NIT2: variants seen among roughly 807,000 people sequenced by gnomAD.
NIT2 encodes the protein omega-amidase NIT2.
A neutral mutation model predicts 42.7 loss-of-function variants in NIT2; 46 were observed. The ratio of observed to expected loss-of-function variants is 1.08; its 90% CI spans 0.85 to 1.38. The LOEUF is 1.38. Ranked by LOEUF, NIT2 falls within the 40% of genes most tolerant of loss-of-function variation. The pLI, the probability that NIT2 is intolerant of heterozygous loss-of-function variation, is 0.00. For synonymous variants in NIT2, 123 were observed against 121.9 expected, an observed-to-expected ratio of 1.01 and a Z score of -0.06; for missense variants, 309 against 342.5, an observed-to-expected ratio of 0.90 and a Z score of 0.77.
At position 100,353,233 on chromosome 3, in the gene NIT2, C is replaced by T. The variant is rs545826627; in HGVS notation, c.683+731C>T. 1.2e-4 allele frequency among the ~76,000 whole-genome samples: 19 copies of T among 152,332 alleles called. No individual in the cohort carries two copies. In the South Asian group the frequency reaches 3.7e-3, roughly 30 times the overall value. ...GAATCCAGGATATTTGCCTTCAGAACTTGGATGTATTCCACACTAGTTCTC... is the reference window on the plus strand; with the variant it reads ...GAATCCAGGATATTTGCCTTCAGAATTTGGATGTATTCCACACTAGTTCTC... On this transcript the variant is annotated intron_variant, in intron 8 of 9. Coordinates refer to ENST00000394140, the MANE Select transcript of NIT2 (RefSeq NM_020202.5).
rs779856640 is a variant in NIT2, at chr3:100,341,552, T to C, written c.336+391T>C. ...CCCAGCTAATTTTTTGTATTTTTAG[T>C]AGAGACTTGGTTTCACCGTGTTAGC... On this transcript the variant is annotated intron_variant, in intron 4 of 9. Transcript: ENST00000394140. Among the ~76,000 whole-genome samples the C allele has an allele frequency of 2.2e-4, 34 of 152,118 alleles. 1 individual carries two copies. Among genetic ancestry groups the C allele is most frequent in the Non-Finnish European group, 4.3e-4 (29 of 67,998 alleles).
chr3:100,343,125 T>TC (rs1343055168), intron 4 of NIT2, among the ~76,000 whole-genome samples: 1 of 151,954 alleles, frequency 6.6e-6, no homozygotes, highest in African/African-American at 2.4e-5. Context: ...TGTTGTTTTT[T>TC]CTCTCCTTCT....
At chr3:100,352,556 G>A (rs1299298426) in intron 8 of NIT2, 54 bp downstream of exon 8, 3 of 1,405,232 alleles carry the variant, frequency 2.1e-6, no homozygotes, top group South Asian at 2.3e-5. Context: ...TTGAGTGGTG[G>A]CTCGTTGGCA....
chr3:100,346,861 T>A (rs937432904), intron 6 of NIT2, among the ~76,000 whole-genome samples: 1 of 152,068 alleles, frequency 6.6e-6, no homozygotes, highest in African/African-American at 2.4e-5. Flanking sequence ...TGAAGCTACT[T>A]CCAAATAGAC....
intron 7 of NIT2, chr3:100,349,402 A>T (rs1297696156): frequency 6.6e-6 from 1 of 152,580 alleles, no homozygotes; most frequent in Non-Finnish European, 1.5e-5. Flanking sequence ...TGTGAGCCCC[A>T]AGCCCTGCCG....
chr3:100,361,049 A>G lies in NIT2; in HGVS notation c.*5781A>G, dbSNP rs1453964193. On this transcript the variant is annotated 3_prime_UTR_variant, in exon 10 of 10. Coordinates refer to ENST00000394140, the MANE Select transcript of NIT2 (RefSeq NM_020202.5). Reference sequence around the variant, plus strand: ...ACTCATGTTGCTTGCTATGTTCTAAATAATTAAGTCTGTTGTCTGACCCAG... The same window carrying G: ...ACTCATGTTGCTTGCTATGTTCTAAGTAATTAAGTCTGTTGTCTGACCCAG... 4.6e-5 allele frequency: 7 copies of G among 152,898 alleles called. No homozygotes were observed. Among genetic ancestry groups the G allele is most frequent in the Non-Finnish European group, 4.4e-5 (3 of 68,044 alleles). 9.5% of individuals were successfully genotyped at this position (152,898 alleles called of 1,614,324 possible).
chr3:100,340,829 T>G (rs1334118726), intron 3 of NIT2, among the ~76,000 whole-genome samples: 1 of 152,118 alleles, frequency 6.6e-6, no homozygotes, highest in Non-Finnish European at 1.5e-5. Flanking sequence ...CACTCTGGAG[T>G]TTATCTCTGA....
chr3:100,347,203 C>A (rs1361425362), intron 6 of NIT2, among the ~76,000 whole-genome samples: 3 of 151,964 alleles, frequency 2.0e-5, no homozygotes, highest in Admixed American at 6.6e-5. Flanking sequence ...TCAAGTGATT[C>A]TCCTGTCTCA....
In NIT2 at chr3:100,339,048, G is replaced by A. The variant is rs150636926; in HGVS notation, c.8-39G>A. 7.1e-4 allele frequency: 993 copies of A among 1,398,650 alleles called. 16 individuals are homozygous for A. The East Asian group carries it at 0.019, about 26-fold the overall frequency. The allele number at this position is 1,398,650 out of a possible 1,614,324, so 86.6% of individuals were successfully genotyped here. A position where few individuals can be genotyped will look rare whatever the true frequency, so the allele number is the denominator to read the frequency against. ...TGGCTCTGTCTGAATCCAGCAGTTCGATCTTCTGATAGCTGTTTTCTTTTG... is the reference window on the plus strand; with the variant it reads ...TGGCTCTGTCTGAATCCAGCAGTTCAATCTTCTGATAGCTGTTTTCTTTTG... On this transcript the variant is annotated intron_variant, in intron 1 of 9. Coordinates refer to ENST00000394140, the MANE Select transcript of NIT2 (RefSeq NM_020202.5).
chr3:100,336,940 C>T (rs1426011914), intron 1 of NIT2, among the ~76,000 whole-genome samples: 1 of 152,242 alleles, frequency 6.6e-6, no homozygotes. Context: ...CAGACTATCA[C>T]ATGGGGAGAA....
rs939091728 is a variant in NIT2 at position 100,358,093 on chromosome 3, G to A, written c.*2825G>A. The A allele has an allele frequency of 1.3e-5, 2 of 152,058 alleles. No homozygotes were observed. The highest frequency in any genetic ancestry group is 6.6e-5 in the Admixed American group (1 of 15,256). 9.4% of individuals were successfully genotyped at this position (152,058 alleles called of 1,614,324 possible). The stretch of plus-strand genomic sequence containing the variant: ...GGCACCCAGCCTTTTGTTTGTTTTT[G>A]TTTTTATGTATTTCATTAAATGAAT... On this transcript the variant is annotated 3_prime_UTR_variant, in exon 10 of 10. Transcript: ENST00000394140.
rs751492664 is a variant in NIT2 at position 100,339,177 on chromosome 3, C to T, written c.98C>T (p.Thr33Met). 2.9e-5 allele frequency: 46 copies of T among 1,613,196 alleles called. No homozygotes were observed. Among genetic ancestry groups the T allele is most frequent in the Non-Finnish European group, 3.8e-5 (45 of 1,179,312 alleles). The stretch of plus-strand genomic sequence containing the variant: ...TGTAGCTTCATCCGGGAGGCAGCAA[C>T]GCAAGGAGCCAAAATAGTTTCTTTG... ...RACSFIREAA[T>M]QGAKIVSLPE... Residue 33 changes from threonine (T) to methionine (M), a missense_variant, in exon 2 of 10, where the codon ACG becomes ATG. Coordinates refer to ENST00000394140, the MANE Select transcript of NIT2 (RefSeq NM_020202.5).
chr3:100,345,246 A>T (rs1706202869), intron 4 of NIT2, among the ~76,000 whole-genome samples: 1 of 152,218 alleles, frequency 6.6e-6, no homozygotes, highest in South Asian at 2.1e-4. Context: ...GGCATGAGCC[A>T]CCGTGTCCGG....
intron 4 of NIT2, among the ~76,000 whole-genome samples, chr3:100,343,358 G>C (rs1420688354): frequency 6.6e-6 from 1 of 151,704 alleles, no homozygotes; most frequent in African/African-American, 2.4e-5. Flanking sequence ...ATTTTTCCAA[G>C]GTCACCAGGC....
chr3:100,355,362 A>T lies in NIT2; in HGVS notation c.*94A>T. 1.1e-6 allele frequency: 1 copy of T among 933,744 alleles called. No homozygotes were observed. Among genetic ancestry groups the T allele is most frequent in the Non-Finnish European group, 1.6e-6 (1 of 612,252 alleles). 57.8% of individuals were successfully genotyped at this position (933,744 alleles called of 1,614,324 possible). On this transcript the variant is annotated 3_prime_UTR_variant, in exon 10 of 10. Transcript: ENST00000394140. ...ATTCTTTAATGAAGATTTTTTTTTT[A>T]ATTCGGCCTTGTCCTTCCTAGGTTC...
chr3:100,350,095 T>C (rs1706258771), intron 7 of NIT2: 1 of 152,220 alleles, frequency 6.6e-6, no homozygotes, highest in Admixed American at 6.5e-5. Context: ...TTTTTGCCCC[T>C]TTCTAGTTAG....
Position 100,345,649 on chromosome 3 carries a change from C to T in NIT2, c.401C>T (p.Pro134Leu), listed in dbSNP as rs756067624. The change falls in exon 5 of 10, where the codon CCG becomes CTG. Residue 134 changes from proline to leucine, a missense_variant. Coordinates refer to ENST00000394140, the MANE Select transcript of NIT2 (RefSeq NM_020202.5). ...TTTCAAGAATCTAAAACATTGAGTCCGGGTGATAGTTTCTCCACATTTGAT... is the reference window on the plus strand; with the variant it reads ...TTTCAAGAATCTAAAACATTGAGTCTGGGTGATAGTTTCTCCACATTTGAT... ...ITFQESKTLS[P>L]GDSFSTFDTP... The T allele has an allele frequency of 3.7e-5, 59 of 1,612,382 alleles. No individual in the cohort carries two copies. The highest frequency in any genetic ancestry group is 4.7e-5 in the Non-Finnish European group (55 of 1,178,812).
intron 6 of NIT2, among the ~76,000 whole-genome samples, chr3:100,346,657 G>A (rs926576926): frequency 1.3e-5 from 2 of 152,180 alleles, no homozygotes; most frequent in Admixed American, 6.5e-5. Context: ...TCTGGGAAGA[G>A]CGAGTTCAAA....
chr3:100,334,913 G>A, intron 1 of NIT2, 115 bp downstream of exon 1: 1 of 1,058,222 alleles, frequency 9.4e-7, no homozygotes, highest in Non-Finnish European at 1.2e-6. Flanking sequence ...CCCGCCGTGC[G>A]CGGCCTTCCC....
Sources: allele counts gnomAD v4.1 joint callset (sites outside exome capture counted in the v4.1 genomes callset), GRCh38; gene constraint gnomAD v4.1.1; transcripts MANE v1.5; gene names NCBI Gene and HGNC (gene_info 2026-07-23, HGNC 2026-07-21).